DOCK8: variants seen among roughly 807,000 people sequenced by gnomAD.
The protein encoded by DOCK8 is dedicator of cytokinesis 8, also known as dedicator of cytokinesis protein 8.
In DOCK8, 141 loss-of-function variants were observed where a neutral mutation model predicts 245.6. That is an observed-to-expected ratio of 0.57 (90% CI 0.50 to 0.66). The LOEUF is 0.66. DOCK8 is among the 30% of genes least tolerant of loss of function. The pLI, the probability that DOCK8 is intolerant of heterozygous loss-of-function variation, is 0.00. For missense variants in DOCK8, 2,965 were observed against 2,603.4 expected (o/e 1.14, Z -3.02); for synonymous variants, 1,168 against 970.2 (o/e 1.20, Z -3.79).
rs115897424 is a variant in DOCK8 at position 402,036 on chromosome 9, C to G, written c.3234+2777C>G. 9.1e-3 allele frequency among the ~76,000 whole-genome samples: 1,382 copies of G among 152,276 alleles called. 25 individuals carry two copies. The highest frequency in any genetic ancestry group is 0.03 in the African/African-American group (1,228 of 41,546). On this transcript the variant is annotated intron_variant, in intron 26 of 47. Transcript: ENST00000432829. ...TCAGTATTTAGGATTCCAGGTTAGT[C>G]TGTTTTCAAAACTTTAAGTTGAGTG...
intron 45 of DOCK8, among the ~76,000 whole-genome samples, chr9:450,650 C>T (rs2057397308): frequency 6.6e-6 from 1 of 151,904 alleles, no homozygotes; most frequent in Admixed American, 6.6e-5. Flanking sequence ...GATTTCCCCA[C>T]AAAAGTTCTG....
chr9:337,322 C>T (rs1183094477), intron 12 of DOCK8, among the ~76,000 whole-genome samples: 1 of 152,132 alleles, frequency 6.6e-6, no homozygotes, highest in Non-Finnish European at 1.5e-5. Flanking sequence ...TGACATGAGA[C>T]CTGTCAAGCT....
At chr9:324,047 C>T (rs1327975116) in intron 7 of DOCK8, among the ~76,000 whole-genome samples, 1 of 152,190 alleles carries the variant, frequency 6.6e-6, no homozygotes, top group Admixed American at 6.5e-5. Context: ...GAAAGGCAAG[C>T]ATCCTTACCT....
At chr9:394,102 G>T (rs1212835607) in intron 24 of DOCK8, among the ~76,000 whole-genome samples, 2 of 152,162 alleles carry the variant, frequency 1.3e-5, no homozygotes, top group Non-Finnish European at 2.9e-5. Context: ...CAGTGGAAGT[G>T]AGTAACTACC....
intron 14 of DOCK8, among the ~76,000 whole-genome samples, chr9:347,556 A>G (rs947820583): frequency 6.6e-6 from 1 of 152,222 alleles, no homozygotes; most frequent in Non-Finnish European, 1.5e-5. Context: ...GCGGAAGCCC[A>G]GTACTTGGTT....
chr9:402,805 T>C lies in DOCK8; in HGVS notation c.3235-2113T>C, dbSNP rs145471601. On this transcript the variant is annotated intron_variant, in intron 26 of 47. Transcript: ENST00000432829. ...AACACCCATCCCTTGGGTAGGGGCA[T>C]TGTGGGTCTTGACCTTTGGGAAGGA... Among the ~76,000 whole-genome samples, 641 of 152,280 alleles carry C rather than the reference T, an allele frequency of 4.2e-3. 1 individual carries two copies. The highest frequency in any genetic ancestry group is 0.014 in the African/African-American group (593 of 41,548).
At chr9:426,287 C>A (rs1020406997) in intron 33 of DOCK8, among the ~76,000 whole-genome samples, 8 of 152,162 alleles carry the variant, frequency 5.3e-5, no homozygotes, top group African/African-American at 1.4e-4. Flanking sequence ...AGATCACCTG[C>A]CCTACAGGAA....
At chr9:250,028 C>G (rs1003102878) in intron 1 of DOCK8, among the ~76,000 whole-genome samples, 3 of 152,160 alleles carry the variant, frequency 2.0e-5, no homozygotes, top group African/African-American at 4.8e-5. Flanking sequence ...TTCTAGAACA[C>G]AGGCTTTATA....
intron 2 of DOCK8, among the ~76,000 whole-genome samples, chr9:283,104 A>G (rs796568345): frequency 2.1e-4 from 32 of 152,314 alleles, no homozygotes; most frequent in African/African-American, 7.7e-4. Flanking sequence ...AAAGGCCTGC[A>G]AAAGGAAACA....
At chr9:343,546 A>G (rs999966416) in intron 14 of DOCK8, among the ~76,000 whole-genome samples, 1 of 152,180 alleles carries the variant, frequency 6.6e-6, no homozygotes, top group African/African-American at 2.4e-5. Flanking sequence ...AGCTATTCAC[A>G]CAGGAATGGA....
intron 1 of DOCK8, among the ~76,000 whole-genome samples, chr9:225,711 C>G (rs547473445): frequency 2.5e-4 from 38 of 152,086 alleles, no homozygotes; most frequent in Admixed American, 2.0e-3. Flanking sequence ...AGAAATAAAC[C>G]ACTAAATAAA....
intron 1 of DOCK8, among the ~76,000 whole-genome samples, chr9:229,791 A>G (rs1280244847): frequency 6.6e-6 from 1 of 152,140 alleles, no homozygotes; most frequent in Non-Finnish European, 1.5e-5. Context: ...CCCTATATCA[A>G]TTAGGATTGC....
chr9:340,594 C>G (rs2051538373), intron 14 of DOCK8: 1 of 347,370 alleles, frequency 2.9e-6, no homozygotes, highest in Non-Finnish European at 5.5e-6. Context: ...GCACTCCAGC[C>G]TGGGAGACAG....
intron 2 of DOCK8, among the ~76,000 whole-genome samples, chr9:282,060 T>G (rs978210900): frequency 4.6e-5 from 7 of 152,234 alleles, no homozygotes; most frequent in African/African-American, 7.2e-5. Context: ...CTTGGCACAT[T>G]GCCACACAGT....
At chr9:357,997 CG>C (rs2052527948) in intron 14 of DOCK8, among the ~76,000 whole-genome samples, 1 of 152,154 alleles carries the variant, frequency 6.6e-6, no homozygotes. Context: ...GGCATGAGGC[CG>C]TGGCCACAGA....
At chr9:434,017 C>A in intron 38 of DOCK8, 42 bp downstream of exon 38, 1 of 1,442,130 alleles carries the variant, frequency 6.9e-7, no homozygotes, top group South Asian at 1.1e-5. Context: ...ATTTGGGGGT[C>A]GAGGATTTGT....
chr9:318,675 A>C (rs2050454723), intron 7 of DOCK8, among the ~76,000 whole-genome samples: 1 of 152,242 alleles, frequency 6.6e-6, no homozygotes, highest in African/African-American at 2.4e-5. Context: ...AGTAATGGGC[A>C]CAGAAAAGCA....
intron 1 of DOCK8, among the ~76,000 whole-genome samples, chr9:239,229 ATGCACACAC>A (rs1200452819): frequency 1.3e-5 from 2 of 152,248 alleles, no homozygotes; most frequent in African/African-American, 4.8e-5. Flanking sequence ...ACACACGTGC[ATGCACACAC>A]TGCACACACT....
intron 14 of DOCK8, among the ~76,000 whole-genome samples, chr9:358,277 TG>T (rs1401917272): frequency 6.6e-6 from 1 of 151,994 alleles, no homozygotes; most frequent in Non-Finnish European, 1.5e-5. Flanking sequence ...GTTGTACAGA[TG>T]GGGTCTCACT....
Sources: allele counts gnomAD v4.1 joint callset (sites outside exome capture counted in the v4.1 genomes callset), GRCh38; gene constraint gnomAD v4.1.1; transcripts MANE v1.5; gene names NCBI Gene and HGNC (gene_info 2026-07-23, HGNC 2026-07-21).